CENPC: variants seen among roughly 807,000 people sequenced by gnomAD.
CENPC encodes the protein centromere protein C.
In CENPC, 63 loss-of-function variants were observed where a neutral mutation model predicts 112.1. The observed-to-expected ratio is 0.56, with a 90% CI of 0.46 to 0.69. The LOEUF is 0.69. CENPC is among the 30% of genes least tolerant of loss of function. CENPC has a pLI of 0.00. For missense variants in CENPC, 1,000 were observed against 1,103.8 expected (o/e 0.91, Z 1.33); for synonymous variants, 333 against 367.6 (o/e 0.91, Z 1.08).
At chr4:67,520,209 C>T (rs2109811954) in intron 5 of CENPC, among the ~76,000 whole-genome samples, 1 of 152,252 alleles carries the variant, frequency 6.6e-6, no homozygotes, top group East Asian at 1.9e-4. Flanking sequence ...ATGGAGCACT[C>T]CTTACTACCT....
intron 16 of CENPC, among the ~76,000 whole-genome samples, chr4:67,491,480 TAGAG>T (rs71219046): frequency 4.9e-3 from 89 of 18,028 alleles, no homozygotes; most frequent in African/African-American, 7.9e-3. Context: ...TATATATATA[TAGAG>T]AGAGAGAGAG....
At chr4:67,540,831 G>A (rs899964171) in intron 3 of CENPC, 149 bp downstream of exon 3, 1 of 638,018 alleles carries the variant, frequency 1.6e-6, no homozygotes, top group African/African-American at 1.9e-5. Flanking sequence ...GTACACAAAG[G>A]ATTGCATATG....
intron 16 of CENPC, among the ~76,000 whole-genome samples, chr4:67,490,479 G>C (rs756193024): frequency 2.5e-4 from 38 of 152,150 alleles, no homozygotes; most frequent in Non-Finnish European, 4.6e-4. Flanking sequence ...CGCACTGTTA[G>C]CACCAGCTGA....
chr4:67,543,442 T>C (rs114884983), intron 2 of CENPC, among the ~76,000 whole-genome samples: 1,688 of 152,308 alleles, frequency 0.011, 26 homozygotes, highest in African/African-American at 0.038. Context: ...CACATGGCTG[T>C]CTATACTGCA....
intron 4 of CENPC, among the ~76,000 whole-genome samples, chr4:67,534,653 T>C (rs1726662949): frequency 6.6e-6 from 1 of 152,214 alleles, no homozygotes; most frequent in Non-Finnish European, 1.5e-5. Flanking sequence ...GGGAAAGATT[T>C]CTTTGTCAGA....
At chr4:67,481,531 C>G (rs761533485) in intron 17 of CENPC, among the ~76,000 whole-genome samples, 2 of 152,182 alleles carry the variant, frequency 1.3e-5, no homozygotes, top group Non-Finnish European at 2.9e-5. Context: ...GTTACCAAAA[C>G]AGCACAGTAC....
intron 4 of CENPC, 73 bp downstream of exon 4, chr4:67,539,767 A>G: frequency 2.7e-6 from 2 of 730,478 alleles, no homozygotes; most frequent in South Asian, 4.1e-5. Context: ...CAACTAAAAT[A>G]TACATGAGTA....
intron 16 of CENPC, among the ~76,000 whole-genome samples, chr4:67,491,480 T>TATATATAGAG (rs1725270093): frequency 2.2e-4 from 4 of 18,106 alleles, no homozygotes; most frequent in Non-Finnish European, 3.1e-4. Context: ...TATATATATA[T>TATATATAGAG]AGAGAGAGAG....
At chr4:67,521,586 G>T (rs1347113953) in intron 5 of CENPC, among the ~76,000 whole-genome samples, 3 of 152,178 alleles carry the variant, frequency 2.0e-5, no homozygotes, top group African/African-American at 7.2e-5. Flanking sequence ...CTGCTAGTGT[G>T]AATGTAGAAT....
intron 12 of CENPC, among the ~76,000 whole-genome samples, chr4:67,504,092 C>CA (rs33925641): frequency 0.017 from 1,885 of 114,024 alleles, 71 homozygotes; most frequent in African/African-American, 0.055. Flanking sequence ...GTGAATGGGG[C>CA]AAAAAAAAAA....
Position 67,502,272 on chromosome 4 carries a change from AAT to A in CENPC, c.2131+2931_2131+2932del, listed in dbSNP as rs1425607591. ...AGAAGTAACAAGTATATCTGTTGAC[AAT>A]AAGTGTATATATATTAAACAATTTA... On this transcript the variant is annotated intron_variant, in intron 12 of 18. Transcript: ENST00000273853. Among the ~76,000 whole-genome samples the A allele has an allele frequency of 3.3e-5, 5 of 152,198 alleles. No individual in the cohort carries two copies. The East Asian group carries it at 7.7e-4, about 23-fold the overall frequency.
At chr4:67,505,432 G>C in intron 11 of CENPC, 148 bp from the exon 12 acceptor site, 2 of 612,310 alleles carry the variant, frequency 3.3e-6, no homozygotes, top group Non-Finnish European at 5.8e-6. Flanking sequence ...AAAATATATA[G>C]TCATCCCTCA....
chr4:67,502,949 T>C (rs1217050588), intron 12 of CENPC, among the ~76,000 whole-genome samples: 1 of 152,098 alleles, frequency 6.6e-6, no homozygotes, highest in Non-Finnish European at 1.5e-5. Flanking sequence ...CCAACACCTC[T>C]CACTAGGATT....
chr4:67,478,985 T>G (rs898266601), intron 17 of CENPC, among the ~76,000 whole-genome samples: 20 of 152,186 alleles, frequency 1.3e-4, no homozygotes, highest in Admixed American at 1.3e-4. Flanking sequence ...AAGGCCATTA[T>G]GTAATAAGAA....
intron 17 of CENPC, among the ~76,000 whole-genome samples, chr4:67,485,041 T>C (rs1846062): frequency 0.63 from 96,341 of 151,840 alleles, 30,818 homozygotes; most frequent in East Asian, 0.81. Flanking sequence ...TGCAGTGAGC[T>C]GAGGTCACGC....
intron 17 of CENPC, among the ~76,000 whole-genome samples, chr4:67,483,708 AT>A (rs1397799004): frequency 6.6e-6 from 1 of 152,178 alleles, no homozygotes; most frequent in Non-Finnish European, 1.5e-5. Flanking sequence ...GACAGTGATA[AT>A]GATCCTAATC....
chr4:67,507,027 A>AT (rs1463100533), intron 10 of CENPC, 93 bp from the exon 11 acceptor site: 1 of 817,682 alleles, frequency 1.2e-6, no homozygotes, highest in Admixed American at 3.1e-5. Flanking sequence ...AGACAATGTA[A>AT]TATTGGCTAT....
chr4:67,502,153 TTC>T (rs1725607567), intron 12 of CENPC, among the ~76,000 whole-genome samples: 1 of 152,122 alleles, frequency 6.6e-6, no homozygotes, highest in Non-Finnish European at 1.5e-5. Context: ...CAAGATTATG[TTC>T]TCTATTTAGC....
chr4:67,486,429 A>T (rs1040819228), intron 17 of CENPC, among the ~76,000 whole-genome samples: 4 of 152,240 alleles, frequency 2.6e-5, no homozygotes, highest in African/African-American at 9.6e-5. Context: ...TAATAGTCAA[A>T]TTTCCAATCA....
Sources: gnomAD v4.1 joint callset for allele counts (sites outside exome capture counted in the v4.1 genomes callset) on GRCh38, gnomAD v4.1.1 for gene constraint, MANE v1.5 for transcripts, NCBI Gene and HGNC (gene_info 2026-07-23, HGNC 2026-07-21) for gene names.